The following WDSUB1 variants were observed in gnomAD, a reference collection of about 807,000 sequenced individuals.
The protein encoded by WDSUB1 is WD repeat, SAM and U-box domain-containing protein 1.
In WDSUB1, 49 loss-of-function variants were observed where a neutral mutation model predicts 53.9. The observed-to-expected ratio is 0.91, with a 90% CI of 0.72 to 1.15. WDSUB1 has a LOEUF of 1.15. WDSUB1 is among the 50% of genes most tolerant of loss of function. The pLI is 0.00. For missense variants in WDSUB1, 514 were observed against 562.0 expected, an observed-to-expected ratio of 0.91 and a Z score of 0.86; for synonymous variants, 194 against 200.6, an observed-to-expected ratio of 0.97 and a Z score of 0.28.
chr2:159,247,756 A>G (rs2060832147), intron 10 of WDSUB1, among the ~76,000 whole-genome samples: 1 of 150,780 alleles, frequency 6.6e-6, no homozygotes, highest in Non-Finnish European at 1.5e-5. Context: ...ACTAACAGAA[A>G]AGTCAAACAC....
intron 10 of WDSUB1, among the ~76,000 whole-genome samples, chr2:159,238,314 T>C (rs1261964229): frequency 2.6e-5 from 4 of 152,008 alleles, no homozygotes; most frequent in African/African-American, 9.7e-5. Context: ...GGAATTTACT[T>C]ACATTGTCTT....
At chr2:159,257,425 C>T (rs6746547) in intron 8 of WDSUB1, among the ~76,000 whole-genome samples, 3,013 of 144,308 alleles carry the variant, frequency 0.021, 105 homozygotes, top group African/African-American at 0.072. Context: ...TCACTCTTGT[C>T]GCCCAGGCTG....
intron 10 of WDSUB1, 111 bp downstream of exon 10, chr2:159,248,261 A>G: frequency 7.5e-7 from 1 of 1,324,656 alleles, no homozygotes; most frequent in Non-Finnish European, 1.0e-6. Flanking sequence ...TTAGTTTAAG[A>G]AAAAACTACT....
intron 2 of WDSUB1, among the ~76,000 whole-genome samples, chr2:159,281,248 C>CT (rs71406164): frequency 1.2e-4 from 18 of 151,206 alleles, no homozygotes; most frequent in Admixed American, 5.3e-4. Flanking sequence ...AAAATTTTAA[C>CT]TTTTTTTTTT....
intron 3 of WDSUB1, among the ~76,000 whole-genome samples, chr2:159,276,482 T>C (rs1224895074): frequency 6.6e-6 from 1 of 152,214 alleles, no homozygotes; most frequent in African/African-American, 2.4e-5. Flanking sequence ...ATAACATCAA[T>C]TCACTCCATT....
intron 9 of WDSUB1, among the ~76,000 whole-genome samples, chr2:159,255,590 TA>T (rs1449848224): frequency 6.6e-6 from 1 of 152,180 alleles, no homozygotes; most frequent in Admixed American, 6.5e-5. Flanking sequence ...GTTAACTCCT[TA>T]AAAGGCCATA....
At chr2:159,285,633 G>A (rs2151166793) in intron 1 of WDSUB1, among the ~76,000 whole-genome samples, 1 of 152,276 alleles carries the variant, frequency 6.6e-6, no homozygotes, top group East Asian at 1.9e-4. Flanking sequence ...TTGAGCCCCG[G>A]AGGTGACGCC....
At chr2:159,236,509 TGAG>T (rs1213282322) in intron 10 of WDSUB1, among the ~76,000 whole-genome samples, 1 of 151,576 alleles carries the variant, frequency 6.6e-6, no homozygotes, top group Admixed American at 6.6e-5. Flanking sequence ...AGAGTGGGAG[TGAG>T]GATAAACTGC....
intron 3 of WDSUB1, among the ~76,000 whole-genome samples, chr2:159,278,252 C>T (rs2061583692): frequency 1.3e-5 from 2 of 152,092 alleles, no homozygotes; most frequent in African/African-American, 4.8e-5. Flanking sequence ...GAACAATATA[C>T]TAAAAGAATA....
intron 5 of WDSUB1, among the ~76,000 whole-genome samples, chr2:159,261,946 C>T (rs2061238273): frequency 9.4e-6 from 1 of 105,960 alleles, no homozygotes; most frequent in Non-Finnish European, 1.7e-5. Context: ...ATGAACTGGT[C>T]ATTGGGTGAA....
intron 2 of WDSUB1, among the ~76,000 whole-genome samples, chr2:159,281,944 T>A (rs1341089099): frequency 6.6e-6 from 1 of 152,074 alleles, no homozygotes; most frequent in Non-Finnish European, 1.5e-5. Context: ...ACCACTGCAC[T>A]CCAGCCTGGG....
rs2061693351 is a variant in WDSUB1 at position 159,282,764 on chromosome 2, A to C, written c.306T>G (p.Val102=). 14 of 1,614,190 alleles carry C rather than the reference A, an allele frequency of 8.7e-6. No homozygotes were observed. Among genetic ancestry groups the C allele is most frequent in the Non-Finnish European group, 1.1e-5 (13 of 1,180,032 alleles). The change falls in exon 2 of 11, where the codon GTT becomes GTG. Residue 102 remains valine (V), a synonymous_variant. Transcript: ENST00000359774. ...MEQPSGSPVR[V]CQFSPDSTCL... is the part of the protein sequence containing the mutation. ...ACGTGGAGTCTGGGGAAAACTGGCA[A>C]ACCCTCACAGGGCTGCCACTAGGCT... is the stretch of plus-strand genomic sequence containing the variant.
intron 5 of WDSUB1, among the ~76,000 whole-genome samples, chr2:159,265,677 C>T (rs934559903): frequency 2.0e-5 from 3 of 152,184 alleles, no homozygotes; most frequent in African/African-American, 7.2e-5. Context: ...CATCACACTC[C>T]AGCCTGGGTG....
intron 10 of WDSUB1, among the ~76,000 whole-genome samples, chr2:159,241,544 A>C (rs2060647296): frequency 6.7e-6 from 1 of 148,216 alleles, no homozygotes; most frequent in Non-Finnish European, 1.5e-5. Context: ...CCTGGGTGAC[A>C]CAGTGAGACT....
chr2:159,236,956 T>C (rs2060499052), intron 10 of WDSUB1, among the ~76,000 whole-genome samples: 1 of 152,124 alleles, frequency 6.6e-6, no homozygotes, highest in Non-Finnish European at 1.5e-5. Flanking sequence ...CTTGCAAAAT[T>C]ATTTGCCTTT....
intron 9 of WDSUB1, among the ~76,000 whole-genome samples, chr2:159,250,140 G>A (rs1413435070): frequency 8.9e-5 from 13 of 146,814 alleles, no homozygotes; most frequent in Non-Finnish European, 1.8e-4. Context: ...AACCTGAAGT[G>A]CAAGTGTCTG....
chr2:159,266,026 T>C (rs531349199), intron 5 of WDSUB1, among the ~76,000 whole-genome samples: 4 of 152,360 alleles, frequency 2.6e-5, no homozygotes, highest in African/African-American at 4.8e-5. Flanking sequence ...TTTCACTATT[T>C]ATTTTTTCCT....
intron 5 of WDSUB1, among the ~76,000 whole-genome samples, chr2:159,263,282 C>A (rs1355398594): frequency 6.6e-6 from 1 of 152,192 alleles, no homozygotes; most frequent in Non-Finnish European, 1.5e-5. Flanking sequence ...AAAGATTTTA[C>A]ACTTCAGTAT....
In WDSUB1 at chr2:159,248,378, C is replaced by G; in HGVS notation, c.1267G>C (p.Ala423Pro). Reference protein sequence around the residue: ...TRELMKDPVIASDGYSYEKEA... With the variant: ...TRELMKDPVIPSDGYSYEKEA... ...AGTATAGCATCACACATACCTGATG[C>G]GATGACCGGATCTTTCATAAGTTCT... Residue 423 changes from alanine (A) to proline (P), a missense_variant, in exon 10 of 11, where the codon GCA (alanine) becomes CCA (proline). Ala to Pro is a conservative substitution (Grantham distance 27, BLOSUM62 -1). Coordinates refer to ENST00000359774, the MANE Select transcript of WDSUB1 (RefSeq NM_001128212.3). 1 of 1,611,266 alleles carries G rather than the reference C, an allele frequency of 6.2e-7. No individual in the cohort carries two copies. The highest frequency in any genetic ancestry group is 1.1e-5 in the South Asian group (1 of 90,662).
Sources: gnomAD v4.1 joint callset for allele counts (sites outside exome capture counted in the v4.1 genomes callset) on GRCh38, gnomAD v4.1.1 for gene constraint, MANE v1.5 for transcripts, NCBI Gene and HGNC (gene_info 2026-07-23, HGNC 2026-07-21) for gene names.